Variants in CCDC7 observed in about 807,000 individuals in gnomAD.
CCDC7 encodes coiled-coil domain-containing protein 7.
A neutral mutation model predicts 196.9 loss-of-function variants in CCDC7; 183 were observed. The observed-to-expected ratio is 0.93, with a 90% confidence interval of 0.82 to 1.05. CCDC7 has a LOEUF of 1.05. CCDC7 is among the 50% of genes least tolerant of loss of function. The probability of loss-of-function intolerance (pLI) is 0.00; values close to 1 mark genes in which losing one functional copy is unlikely to be tolerated. For synonymous variants in CCDC7, 525 were observed against 484.6 expected (o/e 1.08, Z -1.10); for missense variants, 1,540 against 1,482.2 (o/e 1.04, Z -0.64).
chr10:32,726,889 G>C (rs913106899), intron 26 of CCDC7, 57 bp downstream of exon 27: 2 of 1,051,332 alleles, frequency 1.9e-6, no homozygotes, highest in Non-Finnish European at 2.7e-6. Context: ...CTTATCAGAA[G>C]ATCTTTGCCT....
At chr10:32,845,995 C>A in intron 36 of CCDC7, 36 bp downstream of exon 37, 1 of 1,447,974 alleles carries the variant, frequency 6.9e-7, no homozygotes, top group Non-Finnish European at 9.7e-7. Context: ...AATATTTAGG[C>A]TTATTTATAT....
intron 28 of CCDC7, among the ~76,000 whole-genome samples, chr10:32,747,428 CG>C (rs2074963279): frequency 2.0e-5 from 3 of 152,180 alleles, no homozygotes; most frequent in African/African-American, 4.8e-5. Context: ...AGTAAAGAGA[CG>C]ACCTATAGAA....
At chr10:32,698,267 A>C (rs1271018863) in intron 24 of CCDC7, among the ~76,000 whole-genome samples, 2 of 152,242 alleles carry the variant, frequency 1.3e-5, no homozygotes. Context: ...AAAAGTTGAA[A>C]ATTCTAAACA....
At chr10:32,491,142 A>G (rs2990980) in intron 8 of CCDC7, among the ~76,000 whole-genome samples, 3 of 151,836 alleles carry the variant, frequency 2.0e-5, no homozygotes, top group African/African-American at 7.3e-5. Flanking sequence ...TTCTACTTTA[A>G]CTTCTCAGCT....
intron 28 of CCDC7, among the ~76,000 whole-genome samples, chr10:32,740,672 T>G (rs1021885456): frequency 1.3e-5 from 2 of 152,186 alleles, no homozygotes; most frequent in Non-Finnish European, 2.9e-5. Context: ...TTGAAAAGAT[T>G]CCAGCAGTGT....
chr10:32,693,658 G>GA (rs1018289642), intron 23 of CCDC7, among the ~76,000 whole-genome samples: 8 of 151,542 alleles, frequency 5.3e-5, no homozygotes, highest in East Asian at 1.9e-4. Flanking sequence ...ATGTTAATAA[G>GA]AAAAAAAAAT....
intron 5 of CCDC7, among the ~76,000 whole-genome samples, chr10:32,463,825 TTTCATGGTC>T (rs1299111631): frequency 2.0e-5 from 3 of 152,178 alleles, no homozygotes; most frequent in African/African-American, 7.2e-5. Context: ...AACAGAAGAC[TTTCATGGTC>T]TATATGCTGT....
At chr10:32,694,918 A>C (rs773618804) in exon 24 of CCDC7, 1 of 1,605,148 alleles carries the variant, frequency 6.2e-7, no homozygotes, top group East Asian at 2.2e-5. Context: ...GTGCTTGAAC[A>C]TCAAGATTCA....
At chr10:32,793,723 A>C (rs1049325282) in intron 29 of CCDC7, among the ~76,000 whole-genome samples, 2 of 152,150 alleles carry the variant, frequency 1.3e-5, no homozygotes. Context: ...ACAATTTCCA[A>C]GGTTTGTCAT....
chr10:32,733,782 A>T (rs1037220839), intron 28 of CCDC7, among the ~76,000 whole-genome samples: 5 of 152,116 alleles, frequency 3.3e-5, no homozygotes, highest in Non-Finnish European at 5.9e-5. Flanking sequence ...ATATTTATTT[A>T]TTGTGTGCAA....
chr10:32,810,885 C>T (rs2086933790), intron 30 of CCDC7, among the ~76,000 whole-genome samples: 1 of 151,870 alleles, frequency 6.6e-6, no homozygotes, highest in Non-Finnish European at 1.5e-5. Context: ...TGTGCAAACA[C>T]ATGGAAATTA....
intron 41 of CCDC7, among the ~76,000 whole-genome samples, chr10:32,875,624 T>C (rs1196620571): frequency 6.6e-6 from 1 of 152,050 alleles, no homozygotes; most frequent in Non-Finnish European, 1.5e-5. Flanking sequence ...AGATCTATCA[T>C]AGCTTATGAG....
At chr10:32,706,503 A>T (rs1299380382) in intron 24 of CCDC7, among the ~76,000 whole-genome samples, 1 of 152,088 alleles carries the variant, frequency 6.6e-6, no homozygotes, top group Non-Finnish European at 1.5e-5. Flanking sequence ...GACACAAAAA[A>T]CCCTTCAAAC....
chr10:32,839,222 T>C (rs2092815814), intron 33 of CCDC7, among the ~76,000 whole-genome samples: 1 of 151,662 alleles, frequency 6.6e-6, no homozygotes, highest in South Asian at 2.1e-4. Flanking sequence ...GATACAGAAC[T>C]GCAGAATAGA....
chr10:32,651,838 A>G (rs1320436955), intron 20 of CCDC7, among the ~76,000 whole-genome samples: 3 of 152,170 alleles, frequency 2.0e-5, no homozygotes, highest in African/African-American at 7.2e-5. Flanking sequence ...TCTGTGGTTT[A>G]TGGTCATGCT....
At chr10:32,444,641 ATCCCTT>A (rs1213439108), upstream of CCDC7, among the ~76,000 whole-genome samples, 10 of 152,288 alleles carry the variant, frequency 6.6e-5, no homozygotes, top group Non-Finnish European at 1.2e-4. Flanking sequence ...TATCTTTCCT[ATCCCTT>A]TCATTTACAA....
At chr10:32,859,466 G>C (rs1162244844) in intron 41 of CCDC7, among the ~76,000 whole-genome samples, 1 of 152,134 alleles carries the variant, frequency 6.6e-6, no homozygotes, top group Admixed American at 6.6e-5. Flanking sequence ...AGAGAAGGCA[G>C]AGAAGATCTA....
intron 41 of CCDC7, among the ~76,000 whole-genome samples, chr10:32,860,056 T>A (rs2093919403): frequency 6.6e-6 from 1 of 152,060 alleles, no homozygotes; most frequent in Non-Finnish European, 1.5e-5. Flanking sequence ...CTCCCTAACT[T>A]ATTTTATGAG....
chr10:32,451,609 T>C (rs2033099950), upstream of CCDC7: 1 of 1,536,002 alleles, frequency 6.5e-7, no homozygotes, highest in Middle Eastern at 1.8e-4. Flanking sequence ...TAAGTTTTTT[T>C]CATCTGTAAT....
Sources: allele counts gnomAD v4.1 joint callset (sites outside exome capture counted in the v4.1 genomes callset), GRCh38; gene constraint gnomAD v4.1.1; transcripts MANE v1.5; gene names NCBI Gene and HGNC (gene_info 2026-07-23, HGNC 2026-07-21).